KATNIP: variants seen among roughly 807,000 people sequenced by gnomAD.
KATNIP encodes the protein katanin interacting protein, also known as katanin-interacting protein.
KATNIP carries 126 observed loss-of-function variants against 174.0 expected under a neutral mutation model. The observed-to-expected ratio is 0.72, with a 90% CI of 0.63 to 0.84. The LOEUF is 0.84. Ranked by LOEUF, KATNIP falls within the 40% of genes least tolerant of loss-of-function variation. The probability of loss-of-function intolerance (pLI) is 0.00; values close to 1 mark genes in which losing one functional copy is unlikely to be tolerated. For synonymous variants in KATNIP, 810 were observed against 835.7 expected, an observed-to-expected ratio of 0.97 and a Z score of 0.53; for missense variants, 1,958 against 2,109.7, an observed-to-expected ratio of 0.93 and a Z score of 1.41.
intron 2 of KATNIP, among the ~76,000 whole-genome samples, chr16:27,616,499 G>A (rs111713868): frequency 0.016 from 2,408 of 152,238 alleles, 61 homozygotes; most frequent in African/African-American, 0.054. Context: ...GCCAAGGCAG[G>A]CAGATTACAT....
At chr16:27,557,843 A>G (rs957240868) in intron 1 of KATNIP, among the ~76,000 whole-genome samples, 2 of 152,218 alleles carry the variant, frequency 1.3e-5, no homozygotes, top group African/African-American at 4.8e-5. Flanking sequence ...GTCAACATTG[A>G]AAAATGAGCA....
chr16:27,662,071 T>TATATATATATATATATATAC (rs1403398316), intron 6 of KATNIP, among the ~76,000 whole-genome samples: 1 of 57,198 alleles, frequency 1.7e-5, no homozygotes, highest in Non-Finnish European at 3.4e-5. Flanking sequence ...TATATATATA[T>TATATATATATATATATATAC]ACACACATAT....
chr16:27,671,929 G>A (rs569652604), intron 6 of KATNIP, among the ~76,000 whole-genome samples: 4 of 152,068 alleles, frequency 2.6e-5, no homozygotes, highest in Non-Finnish European at 4.4e-5. Flanking sequence ...GGTGGCGGGC[G>A]CCTGTGATCC....
intron 5 of KATNIP, among the ~76,000 whole-genome samples, chr16:27,646,426 G>A (rs2076957515): frequency 6.6e-6 from 1 of 152,210 alleles, no homozygotes; most frequent in African/African-American, 2.4e-5. Context: ...GCCATAGCAT[G>A]TTATAAGGGT....
At chr16:27,594,130 T>C (rs2075263761) in intron 2 of KATNIP, among the ~76,000 whole-genome samples, 1 of 150,250 alleles carries the variant, frequency 6.7e-6, no homozygotes, top group Non-Finnish European at 1.5e-5. Context: ...CGTGGTGGTG[T>C]GTGCCTGTAG....
rs995947166 is a variant in KATNIP, at chr16:27,774,762, T to C, written c.4310-183T>C. Among the ~76,000 whole-genome samples, 76 of 152,032 alleles carry C rather than the reference T, an allele frequency of 5.0e-4. 1 individual carries two copies. The highest frequency in any genetic ancestry group is 8.4e-4 in the Non-Finnish European group (57 of 68,012). On this transcript the variant is annotated intron_variant, in intron 23 of 27. Transcript: ENST00000261588. The stretch of plus-strand genomic sequence containing the variant: ...TGACCACCTCTCCAGACACACCTGC[T>C]CCCCTTGGGCCCGGCACTCCCCGTT...
At position 27,633,292 on chromosome 16, in the gene KATNIP, T is replaced by C. The variant is rs535202511; in HGVS notation, c.408+2130T>C. Among the ~76,000 whole-genome samples, 156 of 152,192 alleles carry C rather than the reference T, an allele frequency of 1.0e-3. 1 individual carries two copies. Among genetic ancestry groups the C allele is most frequent in the Non-Finnish European group, 1.5e-3 (101 of 67,998 alleles). On this transcript the variant is annotated intron_variant, in intron 5 of 27. Coordinates refer to ENST00000261588, the MANE Select transcript of KATNIP (RefSeq NM_015202.5). ...AATGGCCTAGGGAGGTTTTAAAATA[T>C]AGATGCTCAGGCCCCACCCCCGGAG...
At chr16:27,735,068 G>C (rs1310854610) in intron 14 of KATNIP, among the ~76,000 whole-genome samples, 1 of 152,242 alleles carries the variant, frequency 6.6e-6, no homozygotes, top group Non-Finnish European at 1.5e-5. Flanking sequence ...GGCCACATCT[G>C]CCCATGAATG....
At chr16:27,694,887 T>C (rs1189488982) in intron 8 of KATNIP, among the ~76,000 whole-genome samples, 3 of 152,162 alleles carry the variant, frequency 2.0e-5, no homozygotes, top group Non-Finnish European at 4.4e-5. Flanking sequence ...ACTCAGCAGC[T>C]CTGTTCTGAT....
At chr16:27,569,904 TA>T (rs1197465531) in intron 1 of KATNIP, among the ~76,000 whole-genome samples, 2 of 152,208 alleles carry the variant, frequency 1.3e-5, no homozygotes, top group Non-Finnish European at 2.9e-5. Context: ...TATTTTATTT[TA>T]TTCTTTTTGT....
At chr16:27,768,152 T>A (rs1244475984) in intron 20 of KATNIP, among the ~76,000 whole-genome samples, 1 of 152,070 alleles carries the variant, frequency 6.6e-6, no homozygotes, top group African/African-American at 2.4e-5. Flanking sequence ...AATGGGTGCT[T>A]TGACTCAGAT....
intron 8 of KATNIP, among the ~76,000 whole-genome samples, chr16:27,683,979 G>A (rs1597163511): frequency 6.6e-6 from 1 of 152,204 alleles, no homozygotes; most frequent in South Asian, 2.1e-4. Context: ...AGTAGGGCAG[G>A]AGTGGCACGG....
At chr16:27,707,111 AAC>A (rs1005372447) in intron 12 of KATNIP, among the ~76,000 whole-genome samples, 9 of 152,238 alleles carry the variant, frequency 5.9e-5, no homozygotes, top group Admixed American at 2.6e-4. Flanking sequence ...GGCCCCTCCA[AAC>A]ACACACTGAG....
At chr16:27,599,895 G>A (rs78050469) in intron 2 of KATNIP, among the ~76,000 whole-genome samples, 4,004 of 152,210 alleles carry the variant, frequency 0.026, 60 homozygotes, top group Non-Finnish European at 0.041. Flanking sequence ...GCTCATGTGC[G>A]TCTGCTGCCT....
At chr16:27,553,117 A>T (rs1596686702) in intron 1 of KATNIP, among the ~76,000 whole-genome samples, 1 of 152,214 alleles carries the variant, frequency 6.6e-6, no homozygotes, top group Admixed American at 6.5e-5. Flanking sequence ...TGCTTTACCC[A>T]TATATGGTTT....
At chr16:27,597,402 C>CTTTTTTTTT (rs36005993) in intron 2 of KATNIP, among the ~76,000 whole-genome samples, 1 of 46,128 alleles carries the variant, frequency 2.2e-5, no homozygotes, top group South Asian at 1.3e-3. Context: ...ATTTTCTTTT[C>CTTTTTTTTT]TTTTTTTTTT....
At chr16:27,701,982 G>T (rs1279120923) in intron 11 of KATNIP, among the ~76,000 whole-genome samples, 1 of 151,958 alleles carries the variant, frequency 6.6e-6, no homozygotes, top group Non-Finnish European at 1.5e-5. Context: ...TTTGTAGAGG[G>T]GGTCTCACAA....
chr16:27,761,229 C>T (rs2081943574), intron 18 of KATNIP, among the ~76,000 whole-genome samples, 184 bp from the exon 19 acceptor site: 1 of 152,228 alleles, frequency 6.6e-6, no homozygotes, highest in Non-Finnish European at 1.5e-5. Flanking sequence ...TTCCTGAGCA[C>T]TGACAGTGGC....
intron 1 of KATNIP, among the ~76,000 whole-genome samples, chr16:27,568,748 C>G (rs964781387): frequency 4.6e-5 from 7 of 152,172 alleles, no homozygotes; most frequent in Non-Finnish European, 7.3e-5. Flanking sequence ...CAGGTGTGAG[C>G]CACCGCACCC....
Sources: allele counts gnomAD v4.1 joint callset (sites outside exome capture counted in the v4.1 genomes callset), GRCh38; gene constraint gnomAD v4.1.1; transcripts MANE v1.5; gene names NCBI Gene and HGNC (gene_info 2026-07-23, HGNC 2026-07-21).